MALRD1: variants seen among roughly 807,000 people sequenced by gnomAD.
MALRD1 encodes MAM and LDL receptor class A domain containing 1, also known as MAM and LDL-receptor class A domain-containing protein 1.
A neutral mutation model predicts 242.1 loss-of-function variants in MALRD1; 247 were observed. The observed-to-expected ratio is 1.02, with a 90% CI of 0.92 to 1.13. The LOEUF (loss-of-function observed/expected upper bound fraction) is 1.13. MALRD1 is among the 50% of genes most tolerant of loss of function. The pLI is 0.00. For synonymous variants in MALRD1, 995 were observed against 866.6 expected, an observed-to-expected ratio of 1.15 and a Z score of -2.60; for missense variants, 2,989 against 2,533.1, an observed-to-expected ratio of 1.18 and a Z score of -3.86.
intron 7 of MALRD1, among the ~76,000 whole-genome samples, chr10:19,125,290 T>TTTCCTTCCTTCCTTCCTTCC (rs202203495): frequency 4.3e-5 from 3 of 69,104 alleles, no homozygotes; most frequent in South Asian, 4.9e-4. Flanking sequence ...TCTTTCTTTC[T>TTTCCTTCCTTCCTTCCTTCC]TTCCTTCCTT....
intron 34 of MALRD1, 133 bp downstream of exon 34, chr10:19,595,590 G>A (rs1838054505): frequency 3.7e-6 from 4 of 1,088,360 alleles, no homozygotes; most frequent in South Asian, 3.7e-5. Context: ...AGCTTTCAGT[G>A]TTATGTTGCA....
chr10:19,564,763 G>C lies in MALRD1; in HGVS notation c.5479-2739G>C, dbSNP rs146107209. 5.9e-5 allele frequency among the ~76,000 whole-genome samples: 9 copies of C among 152,202 alleles called. No individual in the cohort carries two copies. The East Asian group carries it at 1.5e-3, about 26-fold the overall frequency. ...TTATTTTTCAAGGAAGTTAGCCATT[G>C]TGGTTTTTCAAAATTATCAACATTT... On this transcript the variant is annotated intron_variant, in intron 32 of 39. Transcript: ENST00000454679.
At position 19,257,761 on chromosome 10, in the gene MALRD1, C is replaced by G; in HGVS notation, c.3069C>G (p.Thr1023=). The G allele has an allele frequency of 6.5e-7, 1 of 1,529,270 alleles. No individual in the cohort carries two copies. Among genetic ancestry groups the G allele is most frequent in the Non-Finnish European group, 8.8e-7 (1 of 1,134,480 alleles). 94.7% of individuals were successfully genotyped at this position (1,529,270 alleles called of 1,614,324 possible). A position where few individuals can be genotyped will look rare whatever the true frequency, so the allele number is the denominator to read the frequency against. The part of the protein sequence containing the change: ...AIDDLSFMDC[T]LYPGNLPADL... ...ATGATCTGTCATTTATGGACTGCAC[C>G]CTCTACCCTGGTAAGAGAGAACATT... is the stretch of plus-strand genomic sequence containing the variant. Residue 1023 remains threonine (T), a synonymous_variant, in exon 19 of 40, where the codon ACC becomes ACG. Coordinates refer to ENST00000454679, the MANE Select transcript of MALRD1 (RefSeq NM_001142308.3).
intron 13 of MALRD1, among the ~76,000 whole-genome samples, chr10:19,171,925 T>C (rs1399149262): frequency 7.9e-6 from 1 of 126,018 alleles, no homozygotes; most frequent in Admixed American, 8.1e-5. Flanking sequence ...TATATACATA[T>C]ATGTGATATA....
chr10:19,169,286 A>C (rs1415179027), intron 13 of MALRD1, among the ~76,000 whole-genome samples: 1 of 152,182 alleles, frequency 6.6e-6, no homozygotes, highest in Admixed American at 6.5e-5. Flanking sequence ...TAGATAAGGA[A>C]CTGTGGACTT....
chr10:19,615,236 G>A (rs756141304), intron 35 of MALRD1, among the ~76,000 whole-genome samples: 2 of 151,732 alleles, frequency 1.3e-5, no homozygotes, highest in Non-Finnish European at 2.9e-5. Context: ...AATAAAAAGA[G>A]GTCTGATGCG....
At chr10:19,346,127 A>G (rs1265267133) in intron 24 of MALRD1, among the ~76,000 whole-genome samples, 1 of 152,128 alleles carries the variant, frequency 6.6e-6, no homozygotes, top group East Asian at 1.9e-4. Context: ...TACAAAGAGT[A>G]ATTGGTTTAT....
At chr10:19,573,200 T>C (rs1362814227) in intron 33 of MALRD1, among the ~76,000 whole-genome samples, 1 of 152,216 alleles carries the variant, frequency 6.6e-6, no homozygotes, top group Non-Finnish European at 1.5e-5. Context: ...GTGTTCCTTC[T>C]GGATCCTGCC....
At chr10:19,422,757 C>G (rs1288707651) in intron 28 of MALRD1, among the ~76,000 whole-genome samples, 1 of 152,142 alleles carries the variant, frequency 6.6e-6, no homozygotes, top group Non-Finnish European at 1.5e-5. Context: ...TCATTTCCCC[C>G]TCAATGGGGA....
At chr10:19,524,727 A>G (rs1834024746) in intron 31 of MALRD1, among the ~76,000 whole-genome samples, 1 of 132,556 alleles carries the variant, frequency 7.5e-6, no homozygotes, top group Non-Finnish European at 1.5e-5. Flanking sequence ...CAGGAAAATG[A>G]GAAAAAAAAA....
At chr10:19,233,082 G>T (rs1278694308) in intron 18 of MALRD1, among the ~76,000 whole-genome samples, 2 of 151,780 alleles carry the variant, frequency 1.3e-5, no homozygotes, top group Non-Finnish European at 2.9e-5. Context: ...AATTTTTGTG[G>T]GTACATAGGA....
chr10:19,504,541 C>T (rs1475828337), intron 31 of MALRD1, among the ~76,000 whole-genome samples: 3 of 152,076 alleles, frequency 2.0e-5, no homozygotes, highest in African/African-American at 7.2e-5. Flanking sequence ...TTCCTGGACC[C>T]ACTTTGATCT....
chr10:19,324,523 G>A (rs779662470), intron 22 of MALRD1, among the ~76,000 whole-genome samples: 1 of 151,164 alleles, frequency 6.6e-6, no homozygotes, highest in Non-Finnish European at 1.5e-5. Context: ...TGTTAAAAAC[G>A]TTAAGCTGTT....
chr10:19,674,578 G>A (rs749374321), intron 36 of MALRD1, among the ~76,000 whole-genome samples: 23 of 151,938 alleles, frequency 1.5e-4, no homozygotes, highest in Non-Finnish European at 2.8e-4. Context: ...GTTTATTTGT[G>A]TGCTTTTATG....
chr10:19,355,324 A>T (rs1329291050), intron 26 of MALRD1, among the ~76,000 whole-genome samples: 3 of 152,148 alleles, frequency 2.0e-5, no homozygotes, highest in Non-Finnish European at 1.5e-5. Context: ...CTACATTGAA[A>T]AGATATTAAA....
At chr10:19,313,084 C>T (rs1051125931) in intron 21 of MALRD1, among the ~76,000 whole-genome samples, 1 of 151,386 alleles carries the variant, frequency 6.6e-6, no homozygotes, top group African/African-American at 2.4e-5. Flanking sequence ...CATGGTGATG[C>T]TGATGTTGCC....
At chr10:19,357,219 A>T in intron 26 of MALRD1, among the ~76,000 whole-genome samples, 1 of 152,116 alleles carries the variant, frequency 6.6e-6, no homozygotes, top group East Asian at 1.9e-4. Context: ...TCCTCTTATT[A>T]GCTATTTTTA....
At chr10:19,145,094 A>G (rs1024550315) in intron 10 of MALRD1, among the ~76,000 whole-genome samples, 3 of 152,180 alleles carry the variant, frequency 2.0e-5, no homozygotes, top group African/African-American at 4.8e-5. Context: ...GTCTGATACT[A>G]TGATTCTTAT....
chr10:19,685,649 A>G (rs1842552304), intron 36 of MALRD1, among the ~76,000 whole-genome samples: 1 of 152,196 alleles, frequency 6.6e-6, no homozygotes, highest in Non-Finnish European at 1.5e-5. Context: ...CTGTTTCTCA[A>G]TGACTTTGAA....
Sources: allele counts gnomAD v4.1 joint callset (sites outside exome capture counted in the v4.1 genomes callset), GRCh38; gene constraint gnomAD v4.1.1; transcripts MANE v1.5; gene names NCBI Gene and HGNC (gene_info 2026-07-23, HGNC 2026-07-21).